Variants in EXOC2 observed in about 807,000 individuals in gnomAD.
EXOC2 encodes SEC5-like 1.
Under a neutral mutation model 131.8 loss-of-function variants are expected in EXOC2, and 70 were observed. The observed-to-expected ratio is 0.53, with a 90% CI of 0.44 to 0.65. The LOEUF is 0.65. Among genes scored for constraint, EXOC2 ranks in the 30% least tolerant of loss-of-function variants. The pLI is 0.00. For synonymous variants in EXOC2, 411 were observed against 398.4 expected (o/e 1.03, Z -0.38); for missense variants, 923 against 1,108.6 (o/e 0.83, Z 2.38).
At chr6:617,573 C>G (rs993433031) in intron 6 of EXOC2, 138 bp downstream of exon 6, 2 of 1,238,948 alleles carry the variant, frequency 1.6e-6, no homozygotes. Context: ...GCCTACTCTG[C>G]AACAAATATT....
At chr6:687,226 C>A (rs1764704207) in intron 1 of EXOC2, among the ~76,000 whole-genome samples, 1 of 118,114 alleles carries the variant, frequency 8.5e-6, no homozygotes. Flanking sequence ...ACCCAGGCTG[C>A]TGGAGTGCAG....
At chr6:596,626 C>T (rs1193598402) in intron 10 of EXOC2, among the ~76,000 whole-genome samples, 1 of 152,164 alleles carries the variant, frequency 6.6e-6, no homozygotes, top group Non-Finnish European at 1.5e-5. Flanking sequence ...CTTGGCCTCC[C>T]AAAGTGCTGG....
intron 10 of EXOC2, 122 bp downstream of exon 10, chr6:597,899 G>T (rs1334846120): frequency 4.6e-6 from 3 of 647,724 alleles, no homozygotes; most frequent in Admixed American, 3.1e-5. Context: ...TCTGCTATTT[G>T]TCTTCCCCTT....
chr6:625,394 C>T (rs1761506836), intron 4 of EXOC2, among the ~76,000 whole-genome samples: 1 of 152,188 alleles, frequency 6.6e-6, no homozygotes. Context: ...AGGGGGGAGG[C>T]CAACAGTGAA....
At chr6:489,064 G>A in intron 26 of EXOC2, 26 bp from the exon 27 acceptor site, 1 of 1,612,968 alleles carries the variant, frequency 6.2e-7, no homozygotes, top group Middle Eastern at 1.7e-4. Context: ...CCACACTGAA[G>A]TTGAAGCCTT....
chr6:614,292 T>C (rs1042201776), intron 6 of EXOC2, among the ~76,000 whole-genome samples: 7 of 152,204 alleles, frequency 4.6e-5, no homozygotes, highest in African/African-American at 1.4e-4. Context: ...ACCATGTCCA[T>C]GTGACGGGGC....
chr6:691,621 C>G (rs919749037), intron 1 of EXOC2, among the ~76,000 whole-genome samples: 3 of 152,184 alleles, frequency 2.0e-5, no homozygotes, highest in African/African-American at 7.2e-5. Context: ...ATCAGTAAGG[C>G]TTCTGGTCAA....
intron 2 of EXOC2, among the ~76,000 whole-genome samples, chr6:635,305 T>C (rs560717238): frequency 6.6e-6 from 1 of 152,354 alleles, no homozygotes; most frequent in South Asian, 2.1e-4. Flanking sequence ...ACCTGAATGA[T>C]ATGCATGGAG....
At chr6:554,102 T>A (rs2476845) in intron 20 of EXOC2, among the ~76,000 whole-genome samples, 182 bp from the exon 21 acceptor site, 1 of 151,904 alleles carries the variant, frequency 6.6e-6, no homozygotes, top group South Asian at 2.1e-4. Flanking sequence ...GTGCAAATGG[T>A]GCGTTCTTGG....
intron 4 of EXOC2, among the ~76,000 whole-genome samples, chr6:628,758 A>C (rs1333613204): frequency 6.6e-6 from 1 of 152,188 alleles, no homozygotes; most frequent in Non-Finnish European, 1.5e-5. Flanking sequence ...TATCAACTGC[A>C]AGTCTATTCA....
At chr6:645,743 T>C (rs1294607064) in intron 1 of EXOC2, among the ~76,000 whole-genome samples, 1 of 152,306 alleles carries the variant, frequency 6.6e-6, no homozygotes, top group Non-Finnish European at 1.5e-5. Flanking sequence ...TGAGAGAGGC[T>C]AGAAGCAATA....
intron 26 of EXOC2, among the ~76,000 whole-genome samples, chr6:489,248 AAAACTC>A (rs1344879128): frequency 6.6e-6 from 1 of 152,248 alleles, no homozygotes; most frequent in African/African-American, 2.4e-5. Flanking sequence ...CGGGGTCAGA[AAAACTC>A]AAATAGGAAA....
chr6:513,035 G>C (rs1485216911), intron 23 of EXOC2, among the ~76,000 whole-genome samples: 1 of 152,210 alleles, frequency 6.6e-6, no homozygotes, highest in Admixed American at 6.5e-5. Context: ...CCACAAAATA[G>C]GCCGACTCTG....
chr6:589,524 A>C (rs1759416518), intron 11 of EXOC2, among the ~76,000 whole-genome samples: 1 of 152,174 alleles, frequency 6.6e-6, no homozygotes, highest in African/African-American at 2.4e-5. Context: ...CCTATCATAC[A>C]TTTTCATACA....
intron 21 of EXOC2, among the ~76,000 whole-genome samples, chr6:551,181 A>G (rs376009467): frequency 6.6e-6 from 1 of 152,170 alleles, no homozygotes; most frequent in African/African-American, 2.4e-5. Flanking sequence ...GGTGATGAAT[A>G]TGGTCTTAGA....
chr6:661,291 C>T (rs1390347467), intron 1 of EXOC2, among the ~76,000 whole-genome samples: 2 of 152,200 alleles, frequency 1.3e-5, no homozygotes, highest in Non-Finnish European at 2.9e-5. Flanking sequence ...GCACAAAGAA[C>T]ACCTGGGAAA....
chr6:672,105 G>C (rs1343868218), intron 1 of EXOC2, among the ~76,000 whole-genome samples: 1 of 151,754 alleles, frequency 6.6e-6, no homozygotes, highest in East Asian at 1.9e-4. Flanking sequence ...ACAATTCTTG[G>C]CTGTTCCATT....
chr6:643,620 C>G (rs1762451728), intron 1 of EXOC2, among the ~76,000 whole-genome samples: 1 of 138,424 alleles, frequency 7.2e-6, no homozygotes, highest in African/African-American at 2.7e-5. Flanking sequence ...AAAAAAAAAA[C>G]TAGAAAAATA....
intron 23 of EXOC2, chr6:524,028 G>A (rs1765618397): frequency 6.6e-6 from 1 of 152,328 alleles, no homozygotes; most frequent in Middle Eastern, 3.4e-3. Context: ...AAGCCGCAAA[G>A]GGAGGAGAAC....
Sources: allele counts gnomAD v4.1 joint callset (sites outside exome capture counted in the v4.1 genomes callset), GRCh38; gene constraint gnomAD v4.1.1; transcripts MANE v1.5; gene names NCBI Gene and HGNC (gene_info 2026-07-23, HGNC 2026-07-21).